The following BCAS3 variants were observed in gnomAD, a reference collection of about 807,000 sequenced individuals.
The protein encoded by BCAS3 is BCAS3 microtubule associated cell migration factor.
In BCAS3, 53 loss-of-function variants were observed where a neutral mutation model predicts 116.1. The ratio of observed to expected loss-of-function variants is 0.46; its 90% CI spans 0.37 to 0.57. BCAS3 has a LOEUF of 0.57. BCAS3 is among the 20% of genes least tolerant of loss of function. BCAS3 has a pLI of 0.00. For synonymous variants in BCAS3, 391 were observed against 408.2 expected (o/e 0.96, Z 0.51); for missense variants, 917 against 1,165.4 (o/e 0.79, Z 3.10).
At chr17:61,341,551 G>A (rs1325058630) in intron 22 of BCAS3, among the ~76,000 whole-genome samples, 3 of 152,142 alleles carry the variant, frequency 2.0e-5, no homozygotes, top group South Asian at 2.1e-4. Context: ...CACTCAGCCC[G>A]CTGCTGATGG....
intron 7 of BCAS3, among the ~76,000 whole-genome samples, chr17:60,828,303 T>C (rs1469602327): frequency 6.6e-6 from 1 of 152,214 alleles, no homozygotes; most frequent in Non-Finnish European, 1.5e-5. Context: ...TGTGTTGTGA[T>C]TATGTTAAAG....
chr17:60,774,292 A>G (rs775220536), intron 6 of BCAS3, among the ~76,000 whole-genome samples: 7 of 151,872 alleles, frequency 4.6e-5, no homozygotes, highest in East Asian at 3.9e-4. Flanking sequence ...TTCACTTACA[A>G]TTTGCGTGTA....
At chr17:61,262,713 A>G (rs190976283) in intron 22 of BCAS3, among the ~76,000 whole-genome samples, 2,075 of 127,666 alleles carry the variant, frequency 0.016, 57 homozygotes, top group African/African-American at 0.055. Context: ...TTTTTTTGAG[A>G]CAGAGTTTCA....
chr17:60,881,099 C>T (rs551026698), intron 9 of BCAS3, among the ~76,000 whole-genome samples: 7 of 152,204 alleles, frequency 4.6e-5, no homozygotes, highest in South Asian at 2.1e-4. Flanking sequence ...CTCAGCTTCC[C>T]GAGTAGCTGG....
chr17:61,043,440 G>T (rs1485691563), intron 19 of BCAS3, among the ~76,000 whole-genome samples: 1 of 151,948 alleles, frequency 6.6e-6, no homozygotes, highest in South Asian at 2.1e-4. Context: ...AATACAGCAG[G>T]TCCTTGAATG....
chr17:60,920,766 A>C (rs2059030145), intron 12 of BCAS3, among the ~76,000 whole-genome samples: 1 of 152,062 alleles, frequency 6.6e-6, no homozygotes, highest in Admixed American at 6.6e-5. Flanking sequence ...GCTACTCGGG[A>C]GGCTGAGGCA....
chr17:61,342,899 G>A (rs974499983), intron 22 of BCAS3, among the ~76,000 whole-genome samples: 19 of 152,066 alleles, frequency 1.2e-4, no homozygotes, highest in African/African-American at 1.9e-4. Flanking sequence ...ATAGGCATGT[G>A]CCACCACATC....
rs1235777888 is a variant in BCAS3, at chr17:60,917,352, A to G, written c.993+6650A>G. On this transcript the variant is annotated intron_variant, in intron 12 of 23. Coordinates refer to ENST00000407086, the MANE Select transcript of BCAS3 (RefSeq NM_017679.5). ...CCCAGGCCCTGGTAACCAGCATTCT[A>G]CTTTCTGTGTTTGAATTTGCCTGTT... 2.0e-5 allele frequency among the ~76,000 whole-genome samples: 3 copies of G among 152,120 alleles called. No homozygotes were observed. The East Asian group carries it at 5.8e-4, about 29-fold the overall frequency.
rs373112749 is a variant in BCAS3 at position 61,015,810 on chromosome 17, C to A, written c.1546C>A (p.Arg516=). The change falls in exon 16 of 24, where the codon CGG becomes AGG. Residue 516 remains arginine, a synonymous_variant. Coordinates refer to ENST00000407086, the MANE Select transcript of BCAS3 (RefSeq NM_017679.5). ...NFTNNNPGNP[R]LSPLPSLMVV... Reference sequence around the variant, plus strand: ...TACCAACAACAACCCTGGCAACCCTCGGCTCTCTCCTCTTCCCAGCTTGAT... The same window carrying A: ...TACCAACAACAACCCTGGCAACCCTAGGCTCTCTCCTCTTCCCAGCTTGAT... The A allele has an allele frequency of 4.3e-6, 7 of 1,613,984 alleles. No homozygotes were observed. The highest frequency in any genetic ancestry group is 5.9e-6 in the Non-Finnish European group (7 of 1,179,918).
Position 61,132,799 on chromosome 17 carries a change from G to A in BCAS3, c.2425+48235G>A, listed in dbSNP as rs890350975. Among the ~76,000 whole-genome samples, 2 of 152,156 alleles carry A rather than the reference G, an allele frequency of 1.3e-5. No homozygotes were observed. The highest frequency in any genetic ancestry group is 2.9e-5 in the Non-Finnish European group (2 of 68,030). ...CCCCTATCCCCGTCAATGAGAAGAA[G>A]CTCCTTACCAGGTCTGTGTGGGTCA... On this transcript the variant is annotated intron_variant, in intron 22 of 23. Coordinates refer to ENST00000407086, the MANE Select transcript of BCAS3 (RefSeq NM_017679.5). The surrounding 1 kb of genome is among the most constrained non-coding windows in gnomAD (Gnocchi z 5.1).
intron 14 of BCAS3, among the ~76,000 whole-genome samples, chr17:60,972,539 C>T (rs549171665): frequency 4.7e-4 from 70 of 148,552 alleles, no homozygotes; most frequent in African/African-American, 1.7e-3. Flanking sequence ...GCCTTGAACT[C>T]CTGGGCTCAA....
intron 12 of BCAS3, 52 bp from the exon 13 acceptor site, chr17:60,924,355 G>T (rs1040751704): frequency 1.3e-6 from 2 of 1,510,168 alleles, no homozygotes; most frequent in South Asian, 1.1e-5. Flanking sequence ...CTTCAAGCTC[G>T]GTTATCAGTG....
chr17:60,850,144 G>A (rs9915373), intron 7 of BCAS3, among the ~76,000 whole-genome samples: 43,237 of 151,822 alleles, frequency 0.28, 9,822 homozygotes, highest in African/African-American at 0.63. Context: ...GTTTCAGTCA[G>A]TGTGCTGATA....
chr17:61,210,022 C>T (rs2144326839), intron 22 of BCAS3, among the ~76,000 whole-genome samples: 1 of 152,290 alleles, frequency 6.6e-6, no homozygotes, highest in East Asian at 1.9e-4. Context: ...TGAACAGAAA[C>T]CCAGTTGAAT....
intron 22 of BCAS3, among the ~76,000 whole-genome samples, chr17:61,099,744 G>A (rs1419582598): frequency 1.3e-5 from 2 of 152,182 alleles, no homozygotes; most frequent in Non-Finnish European, 2.9e-5. Flanking sequence ...GGTCAGGACT[G>A]GTAAACATCT....
chr17:61,159,024 C>G (rs1283126062), intron 22 of BCAS3, among the ~76,000 whole-genome samples: 2 of 152,200 alleles, frequency 1.3e-5, no homozygotes, highest in Non-Finnish European at 2.9e-5. Flanking sequence ...CAAGCACAAA[C>G]TTGTGAATCC....
chr17:61,366,589 G>A lies in BCAS3; in HGVS notation c.2426-1738G>A, dbSNP rs956784844. On this transcript the variant is annotated intron_variant, in intron 22 of 23. Coordinates refer to ENST00000407086, the MANE Select transcript of BCAS3 (RefSeq NM_017679.5). This position sits in a 1 kb window ranked among gnomAD's most constrained non-coding sequence, Gnocchi z 4.5. ...TGGGAGAATTATCTGACACCCAGCC[G>A]TGCACCCCCATTTTCCAGAGCCTAG... Among the ~76,000 whole-genome samples, 6 of 152,180 alleles carry A rather than the reference G, an allele frequency of 3.9e-5. No individual in the cohort carries two copies. The highest frequency in any genetic ancestry group is 2.1e-4 in the South Asian group (1 of 4,826).
Position 61,051,245 on chromosome 17 carries a change from AC to A in BCAS3, c.2029+10354del, listed in dbSNP as rs1356851704. On this transcript the variant is annotated intron_variant, in intron 19 of 23. Transcript: ENST00000407086. This position sits in a 1 kb window ranked among gnomAD's most constrained non-coding sequence, Gnocchi z 4.1. The stretch of plus-strand genomic sequence containing the variant: ...TCATTTATATAACATTCTCAAAATG[AC>A]AAAATTATAGAGATAGATAATAGAT... Among the ~76,000 whole-genome samples, 1 of 152,184 alleles carries A rather than the reference AC, an allele frequency of 6.6e-6. No individual in the cohort carries two copies. Among genetic ancestry groups the A allele is most frequent in the East Asian group, 1.9e-4 (1 of 5,180 alleles).
At chr17:61,293,410 T>C (rs2144713091) in intron 22 of BCAS3, among the ~76,000 whole-genome samples, 1 of 152,296 alleles carries the variant, frequency 6.6e-6, no homozygotes. Flanking sequence ...ATTCTCACTC[T>C]TACTAATAGG....
Sources: allele counts gnomAD v4.1 joint callset (sites outside exome capture counted in the v4.1 genomes callset), GRCh38; gene constraint gnomAD v4.1.1; non-coding constraint Gnocchi (gnomAD v3.1); transcripts MANE v1.5; gene names NCBI Gene and HGNC (gene_info 2026-07-23, HGNC 2026-07-21).